AGAP1: variants seen among roughly 807,000 people sequenced by gnomAD.
AGAP1 encodes arf-GAP with GTPase, ANK repeat and PH domain-containing protein 1.
AGAP1 carries 29 observed loss-of-function variants against 105.3 expected under a neutral mutation model. The ratio of observed to expected loss-of-function variants is 0.28; its 90% CI spans 0.21 to 0.38. The LOEUF (loss-of-function observed/expected upper bound fraction) is 0.38, where lower values mean the gene tolerates loss of function less well. Among genes scored for constraint, AGAP1 ranks in the 10% least tolerant of loss-of-function variants. The pLI, the probability that AGAP1 is intolerant of heterozygous loss-of-function variation, is 1.00. For synonymous variants in AGAP1, 509 were observed against 485.9 expected, an observed-to-expected ratio of 1.05 and a Z score of -0.63; for missense variants, 998 against 1,165.1, an observed-to-expected ratio of 0.86 and a Z score of 2.09.
intron 9 of AGAP1, among the ~76,000 whole-genome samples, chr2:235,809,878 T>C (rs1958037242): frequency 6.6e-6 from 1 of 152,200 alleles, no homozygotes; most frequent in African/African-American, 2.4e-5. Flanking sequence ...AAATGAGTGC[T>C]TATTATGTAA....
chr2:235,883,460 C>A lies in AGAP1; in HGVS notation c.1155+11C>A. ...CATCCCAGTTTACATGTGAGTATAGCCCCCTCGGAGCAATTAACAGCTGCA... is the reference window on the plus strand; with the variant it reads ...CATCCCAGTTTACATGTGAGTATAGACCCCTCGGAGCAATTAACAGCTGCA... On this transcript the variant is annotated intron_variant, in intron 10 of 17. Coordinates refer to ENST00000304032, the MANE Select transcript of AGAP1 (RefSeq NM_001037131.3). This position sits in a 1 kb window ranked among gnomAD's most constrained non-coding sequence, Gnocchi z 4.5. 2 of 1,606,424 alleles carry A rather than the reference C, an allele frequency of 1.2e-6. No individual in the cohort carries two copies. The highest frequency in any genetic ancestry group is 1.7e-6 in the Non-Finnish European group (2 of 1,173,592).
intron 9 of AGAP1, among the ~76,000 whole-genome samples, chr2:235,823,772 A>C (rs1958928986): frequency 6.6e-6 from 1 of 152,202 alleles, no homozygotes; most frequent in African/African-American, 2.4e-5. Context: ...TGTTTTTTTA[A>C]ATATGCAAGG....
In AGAP1 at chr2:235,494,553, G is replaced by A. The variant is rs1027620954; in HGVS notation, c.-134G>A. On this transcript the variant is annotated 5_prime_UTR_variant, in exon 1 of 18. Transcript: ENST00000304032. ...CTGCTCCGCCCGCGCCTTTCTTCTC[G>A]CGCCTCCTCCGCCCGCCGCCGGCGG... 2.5e-5 allele frequency: 4 copies of A among 158,390 alleles called. No homozygotes were observed. Among genetic ancestry groups the A allele is most frequent in the Non-Finnish European group, 5.0e-5 (4 of 80,078 alleles). The allele number at this position is 158,390 out of a possible 1,614,324, so 9.8% of individuals were successfully genotyped here.
rs1338492278 is a variant in AGAP1 at position 235,744,152 on chromosome 2, G to A, written c.397-546G>A. ...TCATTTCTTTGCAGAGGTGCAGCAGGAGTTCAGCCAAGGATGAGCCTGGGT... is the reference window on the plus strand; with the variant it reads ...TCATTTCTTTGCAGAGGTGCAGCAGAAGTTCAGCCAAGGATGAGCCTGGGT... On this transcript the variant is annotated intron_variant, in intron 4 of 17. Coordinates refer to ENST00000304032, the MANE Select transcript of AGAP1 (RefSeq NM_001037131.3). This position sits in a 1 kb window ranked among gnomAD's most constrained non-coding sequence, Gnocchi z 5.2. Among the ~76,000 whole-genome samples, 1 of 152,210 alleles carries A rather than the reference G, an allele frequency of 6.6e-6. No individual in the cohort carries two copies.
intron 1 of AGAP1, among the ~76,000 whole-genome samples, chr2:235,707,481 C>A (rs1575184107): frequency 8.6e-6 from 1 of 115,654 alleles, no homozygotes; most frequent in African/African-American, 2.9e-5. Context: ...GACCCCCCCC[C>A]CCCCCGCCCA....
rs761596060 is a variant in AGAP1, at chr2:235,716,463, A to C, written c.223-1094A>C. On this transcript the variant is annotated intron_variant, in intron 2 of 17. Transcript: ENST00000304032. This position sits in a 1 kb window ranked among gnomAD's most constrained non-coding sequence, Gnocchi z 4.0. ...CCAGAGCTTCAGATAATTTGAGTGG[A>C]GGCAGGAGGGAGGTCAACAAGTGGA... 1.2e-4 allele frequency among the ~76,000 whole-genome samples: 19 copies of C among 152,044 alleles called. No homozygotes were observed. The highest frequency in any genetic ancestry group is 2.1e-4 in the Non-Finnish European group (14 of 67,990).
intron 1 of AGAP1, among the ~76,000 whole-genome samples, chr2:235,667,579 G>C (rs1437587394): frequency 6.6e-6 from 1 of 152,136 alleles, no homozygotes; most frequent in Non-Finnish European, 1.5e-5. Flanking sequence ...AACCAGATGG[G>C]CGCTAGGCTG....
intron 1 of AGAP1, among the ~76,000 whole-genome samples, chr2:235,643,845 A>G (rs191141957): frequency 3.9e-5 from 6 of 152,240 alleles, no homozygotes; most frequent in South Asian, 2.1e-4. Flanking sequence ...CCATTATGCT[A>G]TCTCTTAATA....
intron 9 of AGAP1, among the ~76,000 whole-genome samples, chr2:235,838,415 G>A (rs1960421322): frequency 6.6e-6 from 1 of 152,174 alleles, no homozygotes; most frequent in African/African-American, 2.4e-5. Context: ...GGAAGAAGAG[G>A]CACTGTGCTT....
chr2:235,711,654 T>C lies in AGAP1; in HGVS notation c.222+2417T>C, dbSNP rs2149522187. 1.3e-5 allele frequency among the ~76,000 whole-genome samples: 2 copies of C among 152,286 alleles called. 1 individual carries two copies. The highest frequency in any genetic ancestry group is 6.8e-3 in the Middle Eastern group (2 of 294). ...CCCACCAGCTCTGCTCTAGCCCAAG[T>C]GCCTTCTTGTTGTGGCATCAGCGGG... is the stretch of plus-strand genomic sequence containing the variant. On this transcript the variant is annotated intron_variant, in intron 2 of 17. Transcript: ENST00000304032.
chr2:235,927,940 G>A lies in AGAP1; in HGVS notation c.1325-2825G>A, dbSNP rs1369833617. On this transcript the variant is annotated intron_variant, in intron 11 of 17. Transcript: ENST00000304032. The surrounding 1 kb of genome is among the most constrained non-coding windows in gnomAD (Gnocchi z 4.4). ...ATAAAATGAGGTCTGTGGACAGATG[G>A]CATGCTTAATAATGACTTGACAGGG... 6.6e-6 allele frequency among the ~76,000 whole-genome samples: 1 copy of A among 152,202 alleles called. No individual in the cohort carries two copies. The highest frequency in any genetic ancestry group is 1.5e-5 in the Non-Finnish European group (1 of 68,048).
rs1478877789 is a variant in AGAP1 at position 236,114,329 on chromosome 2, G to A, written c.2115-5863G>A. 6.6e-6 allele frequency among the ~76,000 whole-genome samples: 1 copy of A among 152,174 alleles called. No individual in the cohort carries two copies. The highest frequency in any genetic ancestry group is 1.5e-5 in the Non-Finnish European group (1 of 68,028). ...TGTGCTTTGACATCATGGCTTCTTA[G>A]GGCAAATGCCTCTAGACGGAATAGT... On this transcript the variant is annotated intron_variant, in intron 16 of 17. Transcript: ENST00000304032. The surrounding 1 kb of genome is among the most constrained non-coding windows in gnomAD (Gnocchi z 5.0).
intron 16 of AGAP1, among the ~76,000 whole-genome samples, chr2:236,116,381 G>T (rs1205707247): frequency 1.0e-4 from 10 of 95,802 alleles, no homozygotes; most frequent in South Asian, 6.7e-4. Flanking sequence ...AGAGAGTTTT[G>T]CTCTGTCGCC....
Position 235,961,700 on chromosome 2 carries a change from G to C in AGAP1, c.1484-6762G>C, listed in dbSNP as rs1423046714. ...CAAGGCGGATGGATCATGAGGTCAAGAGATCGAGACCATCCTGGCCAACAT... is the reference window on the plus strand; with the variant it reads ...CAAGGCGGATGGATCATGAGGTCAACAGATCGAGACCATCCTGGCCAACAT... On this transcript the variant is annotated intron_variant, in intron 12 of 17. Transcript: ENST00000304032. The surrounding 1 kb of genome is among the most constrained non-coding windows in gnomAD (Gnocchi z 5.9). Among the ~76,000 whole-genome samples the C allele has an allele frequency of 6.6e-6, 1 of 152,240 alleles. No homozygotes were observed. Among genetic ancestry groups the C allele is most frequent in the Admixed American group, 6.5e-5 (1 of 15,288 alleles).
intron 1 of AGAP1, among the ~76,000 whole-genome samples, chr2:235,681,867 T>C (rs1476554496): frequency 1.8e-5 from 2 of 112,582 alleles, no homozygotes; most frequent in Non-Finnish European, 3.6e-5. Context: ...TTTTTTTTTT[T>C]TGATACAGAG....
chr2:235,769,887 ACTTTG>A lies in AGAP1; in HGVS notation c.673+19400_673+19404del, dbSNP rs565491237. ...AAGGAGCATCCAGTCCTTTCCAAGG[ACTTTG>A]GTTTTCCAGAGTTACACTTCACATG... On this transcript the variant is annotated intron_variant, in intron 6 of 17. Transcript: ENST00000304032. This position sits in a 1 kb window ranked among gnomAD's most constrained non-coding sequence, Gnocchi z 4.4. 7.2e-5 allele frequency among the ~76,000 whole-genome samples: 11 copies of A among 152,050 alleles called. No homozygotes were observed. The East Asian group carries it at 2.1e-3, about 29-fold the overall frequency.
chr2:235,617,632 G>A (rs1009114391), intron 1 of AGAP1, among the ~76,000 whole-genome samples: 4 of 152,098 alleles, frequency 2.6e-5, no homozygotes, highest in African/African-American at 7.2e-5. Flanking sequence ...AACCTGGGAG[G>A]CGGAGGTTGC....
chr2:235,937,137 T>C (rs928935908), intron 12 of AGAP1, among the ~76,000 whole-genome samples: 2 of 152,234 alleles, frequency 1.3e-5, no homozygotes, highest in Admixed American at 1.3e-4. Flanking sequence ...CTGGGGGTTG[T>C]CATCAACCTT....
In AGAP1 at chr2:235,610,715, C is replaced by A. The variant is rs934512152; in HGVS notation, c.164-98464C>A. On this transcript the variant is annotated intron_variant, in intron 1 of 17. Coordinates refer to ENST00000304032, the MANE Select transcript of AGAP1 (RefSeq NM_001037131.3). The surrounding 1 kb of genome is among the most constrained non-coding windows in gnomAD (Gnocchi z 4.9). ...ACATTGCAGACCCGCCATCCTCAAA[C>A]GCACTGTGCTCCCGTGAGCTCCCTG... Among the ~76,000 whole-genome samples, 2 of 152,152 alleles carry A rather than the reference C, an allele frequency of 1.3e-5. No homozygotes were observed. The highest frequency in any genetic ancestry group is 4.8e-5 in the African/African-American group (2 of 41,424).
Sources: gnomAD v4.1 joint callset for allele counts (sites outside exome capture counted in the v4.1 genomes callset) on GRCh38, gnomAD v4.1.1 for gene constraint, Gnocchi (gnomAD v3.1) non-coding constraint, MANE v1.5 for transcripts, NCBI Gene and HGNC (gene_info 2026-07-23, HGNC 2026-07-21) for gene names.